The following MICU2 variants were observed in gnomAD, a reference collection of about 807,000 sequenced individuals.
The protein encoded by MICU2 is calcium uptake protein 2, mitochondrial.
Under a neutral mutation model 60.4 loss-of-function variants are expected in MICU2, and 64 were observed. That is an observed-to-expected ratio of 1.06 (90% CI 0.87 to 1.31). The LOEUF is 1.31. Ranked by LOEUF, MICU2 falls within the 50% of genes most tolerant of loss-of-function variation. The probability of loss-of-function intolerance (pLI) is 0.00; values close to 1 mark genes in which losing one functional copy is unlikely to be tolerated. For missense variants in MICU2, 569 were observed against 531.0 expected (o/e 1.07, Z -0.70); for synonymous variants, 201 against 175.0 (o/e 1.15, Z -1.17).
chr13:21,577,798 C>T (rs529863858), intron 1 of MICU2, among the ~76,000 whole-genome samples: 83 of 114,270 alleles, frequency 7.3e-4, no homozygotes, highest in South Asian at 2.7e-4. Context: ...GAGCGAGACT[C>T]GGTCTCAAAA....
chr13:21,539,760 A>G, intron 2 of MICU2, 72 bp from the exon 3 acceptor site: 1 of 1,357,052 alleles, frequency 7.4e-7, no homozygotes, highest in Non-Finnish European at 1.0e-6. Flanking sequence ...AAGAAAGAAA[A>G]TTATTTAAAA....
At chr13:21,558,954 A>AG (rs1593344217) in intron 2 of MICU2, among the ~76,000 whole-genome samples, 1 of 152,064 alleles carries the variant, frequency 6.6e-6, no homozygotes, top group East Asian at 1.9e-4. Context: ...ATGGGTACTG[A>AG]GGGGAGAGGA....
intron 4 of MICU2, among the ~76,000 whole-genome samples, chr13:21,534,722 GT>G (rs1373908495): frequency 6.6e-6 from 1 of 152,156 alleles, no homozygotes; most frequent in Non-Finnish European, 1.5e-5. Context: ...GTCAGAGAAT[GT>G]TTTTAGGCAA....
At chr13:21,544,775 C>T (rs1166572212) in intron 2 of MICU2, among the ~76,000 whole-genome samples, 1 of 152,116 alleles carries the variant, frequency 6.6e-6, no homozygotes, top group Non-Finnish European at 1.5e-5. Flanking sequence ...GCTCAACTTC[C>T]CAACTAGCTG....
At chr13:21,586,705 C>T (rs1298528031) in intron 1 of MICU2, among the ~76,000 whole-genome samples, 2 of 152,208 alleles carry the variant, frequency 1.3e-5, no homozygotes, top group Admixed American at 1.3e-4. Context: ...GCCAACACAC[C>T]TGGCGTGTTA....
At chr13:21,560,621 AAAACAC>A (rs1185554080) in intron 2 of MICU2, among the ~76,000 whole-genome samples, 2 of 93,552 alleles carry the variant, frequency 2.1e-5, no homozygotes, top group Non-Finnish European at 5.9e-5. Flanking sequence ...AGCTTGTCAA[AAAACAC>A]ACACACACAC....
At chr13:21,522,153 T>C (rs543777034) in intron 5 of MICU2, among the ~76,000 whole-genome samples, 1 of 152,246 alleles carries the variant, frequency 6.6e-6, no homozygotes, top group Non-Finnish European at 1.5e-5. Context: ...ATCTGGGTTT[T>C]ATGTTTTTTC....
intron 1 of MICU2, among the ~76,000 whole-genome samples, chr13:21,593,137 A>C (rs1009496804): frequency 2.0e-5 from 3 of 152,052 alleles, no homozygotes; most frequent in African/African-American, 7.2e-5. Flanking sequence ...CAGCCCAAAA[A>C]CTTCTTGAGC....
At chr13:21,600,867 G>GCTCCCTGCAAGCTCCGC (rs1397676860) in intron 1 of MICU2, among the ~76,000 whole-genome samples, 1 of 152,112 alleles carries the variant, frequency 6.6e-6, no homozygotes, top group Non-Finnish European at 1.5e-5. Context: ...CAGGATCTCG[G>GCTCCCTGCAAGCTCCGC]CTCCCTGCAA....
At chr13:21,565,219 GC>G (rs1887949462) in intron 2 of MICU2, among the ~76,000 whole-genome samples, 1 of 152,130 alleles carries the variant, frequency 6.6e-6, no homozygotes, top group African/African-American at 2.4e-5. Flanking sequence ...AAACTTCCCT[GC>G]AAAAAAGCTG....
chr13:21,577,356 G>C lies in MICU2; in HGVS notation c.211-10412C>G, dbSNP rs567219445. ...CCTTTTTAATTTGGCTAACTTACTT[G>C]TTAAGAATTAATTCTGGGCTGAGCT... is the stretch of plus-strand genomic sequence containing the variant. On this transcript the variant is annotated intron_variant, in intron 1 of 11. Transcript: ENST00000382374. 9.9e-5 allele frequency among the ~76,000 whole-genome samples: 15 copies of C among 151,892 alleles called. 1 individual carries two copies. The highest frequency in any genetic ancestry group is 3.4e-4 in the African/African-American group (14 of 41,192).
intron 11 of MICU2, 55 bp from the exon 12 acceptor site, chr13:21,493,408 T>G: frequency 8.0e-7 from 1 of 1,249,074 alleles, no homozygotes; most frequent in Non-Finnish European, 1.1e-6. Context: ...TAAACATGAT[T>G]TCATATATAC....
At chr13:21,521,834 T>C (rs1886723242) in intron 5 of MICU2, among the ~76,000 whole-genome samples, 1 of 152,198 alleles carries the variant, frequency 6.6e-6, no homozygotes, top group Non-Finnish European at 1.5e-5. Context: ...TGGAGTGCAG[T>C]ACCGTGATCA....
chr13:21,505,640 G>T (rs1886273910), intron 8 of MICU2, among the ~76,000 whole-genome samples: 1 of 151,990 alleles, frequency 6.6e-6, no homozygotes, highest in Admixed American at 6.6e-5. Context: ...AGTTTCTTTT[G>T]ATCCGTGGTA....
At chr13:21,516,775 TATTTATTTA>T (rs1486432529) in intron 6 of MICU2, among the ~76,000 whole-genome samples, 1 of 152,232 alleles carries the variant, frequency 6.6e-6, no homozygotes. Flanking sequence ...AAGGCACCTA[TATTTATTTA>T]AAAATAACTC....
Position 21,593,571 on chromosome 13 carries a change from CAAAAAAA to C in MICU2, c.210+10361_210+10367del, listed in dbSNP as rs71093338. On this transcript the variant is annotated intron_variant, in intron 1 of 11. Coordinates refer to ENST00000382374, the MANE Select transcript of MICU2 (RefSeq NM_152726.3). ...CCCATATTGCAAAGACAATCCTAAG[CAAAAAAA>C]AAAAAAAAAAAAAAAACAAAGCTGG... is the stretch of plus-strand genomic sequence containing the variant. Among the ~76,000 whole-genome samples, 165 of 63,042 alleles carry C rather than the reference CAAAAAAA, an allele frequency of 2.6e-3. 1 individual carries two copies. Among genetic ancestry groups the C allele is most frequent in the African/African-American group, 0.011 (158 of 14,898 alleles). The allele number at this position is 63,042 out of a possible 152,430, so 41.4% of individuals were successfully genotyped here. A position where few individuals can be genotyped will look rare whatever the true frequency, so the allele number is the denominator to read the frequency against.
intron 1 of MICU2, among the ~76,000 whole-genome samples, chr13:21,571,023 C>T (rs779208135): frequency 4.6e-5 from 7 of 152,102 alleles, no homozygotes; most frequent in African/African-American, 9.7e-5. Context: ...TCCTTCCTTC[C>T]GTGTGCTTTT....
chr13:21,502,401 A>G (rs923640625), intron 9 of MICU2, among the ~76,000 whole-genome samples: 4 of 152,194 alleles, frequency 2.6e-5, no homozygotes, highest in African/African-American at 9.6e-5. Context: ...CATTTCATAC[A>G]TCTCGTATAT....
At chr13:21,544,903 C>T (rs1427903853) in intron 2 of MICU2, among the ~76,000 whole-genome samples, 3 of 152,186 alleles carry the variant, frequency 2.0e-5, no homozygotes, top group African/African-American at 7.2e-5. Flanking sequence ...CCTCCCACCT[C>T]AGCCTCCCAA....
Sources: gnomAD v4.1 joint callset for allele counts (sites outside exome capture counted in the v4.1 genomes callset) on GRCh38, gnomAD v4.1.1 for gene constraint, MANE v1.5 for transcripts, NCBI Gene and HGNC (gene_info 2026-07-23, HGNC 2026-07-21) for gene names.